LYRM4: variants seen among roughly 807,000 people sequenced by gnomAD.
LYRM4 encodes the protein LYR motif-containing protein 4.
In LYRM4, 9 loss-of-function variants were observed where a neutral mutation model predicts 11.7. The ratio of observed to expected loss-of-function variants is 0.77; its 90% CI spans 0.46 to 1.34. The LOEUF is 1.34. Among genes scored for constraint, LYRM4 ranks in the 40% most tolerant of loss-of-function variants. LYRM4 has a pLI of 0.00. For missense variants in LYRM4, 133 were observed against 112.5 expected (o/e 1.18, Z -0.82); for synonymous variants, 42 against 40.4 (o/e 1.04, Z -0.15).
chr6:5,140,349 TG>T (rs1207155081), intron 2 of LYRM4, among the ~76,000 whole-genome samples: 4 of 152,168 alleles, frequency 2.6e-5, no homozygotes, highest in African/African-American at 9.7e-5. Flanking sequence ...AAATTTACTT[TG>T]TCTAAGGTTT....
intron 1 of LYRM4, chr6:5,218,451 A>T: frequency 1.1e-6 from 1 of 907,394 alleles, no homozygotes; most frequent in Non-Finnish European, 1.3e-6. Context: ...TTTAAAGTAA[A>T]AAGGCATTTT....
At chr6:5,133,654 C>T (rs1037101727) in intron 2 of LYRM4, among the ~76,000 whole-genome samples, 1 of 152,158 alleles carries the variant, frequency 6.6e-6, no homozygotes, top group Non-Finnish European at 1.5e-5. Context: ...CTTCAAAGTG[C>T]GTAATTCAGT....
At chr6:5,033,371 G>A in the LYRM4 span, 1 of 152,070 alleles carries the variant, frequency 6.6e-6, no homozygotes, top group East Asian at 1.9e-4. Flanking sequence ...CAGCCCGCCA[G>A]GGGTGTCTGA....
At chr6:5,213,999 T>C (rs1011913295) in intron 2 of LYRM4, among the ~76,000 whole-genome samples, 3 of 152,212 alleles carry the variant, frequency 2.0e-5, no homozygotes, top group Non-Finnish European at 2.9e-5. Context: ...CAGAGTGACA[T>C]AGCTAGTAGG....
chr6:5,237,348 G>A (rs778996441), intron 1 of LYRM4, among the ~76,000 whole-genome samples: 1 of 151,812 alleles, frequency 6.6e-6, no homozygotes, highest in Non-Finnish European at 1.5e-5. Context: ...CTCCCTATGA[G>A]AATCTAACGC....
chr6:5,114,499 G>C (rs1336182858), intron 2 of LYRM4, among the ~76,000 whole-genome samples: 2 of 152,202 alleles, frequency 1.3e-5, no homozygotes, highest in Non-Finnish European at 2.9e-5. Flanking sequence ...AGAAGGGGGT[G>C]ATCTGTGCCC....
At chr6:5,063,227 C>T in the LYRM4 span, among the ~76,000 whole-genome samples, 29 of 152,092 alleles carry the variant, frequency 1.9e-4, no homozygotes, top group East Asian at 2.3e-3. Flanking sequence ...ACAGACGGGA[C>T]GGCCACTTCA....
At chr6:5,082,747 C>T in the LYRM4 span, among the ~76,000 whole-genome samples, 4 of 152,224 alleles carry the variant, frequency 2.6e-5, no homozygotes, top group African/African-American at 9.7e-5. Flanking sequence ...AACCTTTTGA[C>T]GGCCTCTCAT....
At chr6:5,156,265 G>C (rs1758406730) in intron 2 of LYRM4, among the ~76,000 whole-genome samples, 1 of 152,242 alleles carries the variant, frequency 6.6e-6, no homozygotes, top group Non-Finnish European at 1.5e-5. Flanking sequence ...CCAAGAGGCG[G>C]CTCCTTCCAG....
intron 2 of LYRM4, chr6:5,186,665 T>C (rs982020702): frequency 2.0e-6 from 2 of 985,432 alleles, no homozygotes; most frequent in Non-Finnish European, 2.4e-6. Context: ...TCAAAGACAA[T>C]GAAGTGAAAT....
downstream of LYRM4, among the ~76,000 whole-genome samples, chr6:5,099,942 T>C (rs1370762525): frequency 6.6e-6 from 1 of 152,164 alleles, no homozygotes; most frequent in Non-Finnish European, 1.5e-5. The surrounding 1 kb of genome is among the most constrained non-coding windows in gnomAD (Gnocchi z 4.3). Flanking sequence ...GACATTTTGC[T>C]TGGGTGCCTC....
At chr6:5,065,854 A>T in the LYRM4 span, 1 of 296,902 alleles carries the variant, frequency 3.4e-6, no homozygotes, top group Non-Finnish European at 6.1e-6. Context: ...TTGGAACACT[A>T]TAGTTTCAAA....
At chr6:5,071,560 GTA>G in the LYRM4 span, among the ~76,000 whole-genome samples, 2 of 150,998 alleles carry the variant, frequency 1.3e-5, no homozygotes, top group African/African-American at 2.5e-5. Context: ...GTGTGTGTGT[GTA>G]TATGTATATG....
intron 2 of LYRM4, among the ~76,000 whole-genome samples, chr6:5,157,523 AAAG>A (rs1438344740): frequency 6.6e-6 from 1 of 152,166 alleles, no homozygotes; most frequent in East Asian, 1.9e-4. Context: ...AAAAAAAAAA[AAAG>A]AAGACTGAAA....
intron 2 of LYRM4, among the ~76,000 whole-genome samples, chr6:5,178,193 G>A (rs1015961548): frequency 2.0e-5 from 3 of 152,010 alleles, no homozygotes; most frequent in Non-Finnish European, 4.4e-5. Context: ...TGTCTGTGTT[G>A]GCAGTTGCAT....
intron 2 of LYRM4, among the ~76,000 whole-genome samples, chr6:5,177,870 T>G (rs1759810410): frequency 6.6e-6 from 1 of 152,170 alleles, no homozygotes; most frequent in Non-Finnish European, 1.5e-5. Context: ...AAGAACATAC[T>G]AGGCCTCACG....
chr6:5,184,092 T>C, intron 2 of LYRM4, among the ~76,000 whole-genome samples: 1 of 152,230 alleles, frequency 6.6e-6, no homozygotes. Flanking sequence ...TTTTTTCTTG[T>C]GTATCAAAGC....
At chr6:5,159,843 C>T (rs1758645982) in intron 2 of LYRM4, among the ~76,000 whole-genome samples, 1 of 152,202 alleles carries the variant, frequency 6.6e-6, no homozygotes, top group Non-Finnish European at 1.5e-5. Context: ...ACAGCTCTGC[C>T]CTCTTGACAC....
chr6:5,185,391 G>C (rs1487333844), intron 2 of LYRM4, among the ~76,000 whole-genome samples: 1 of 152,218 alleles, frequency 6.6e-6, no homozygotes, highest in East Asian at 1.9e-4. Flanking sequence ...TCTTCTGCTA[G>C]AGCATAAGCT....
Sources: gnomAD v4.1 joint callset for allele counts (sites outside exome capture counted in the v4.1 genomes callset) on GRCh38, gnomAD v4.1.1 for gene constraint, Gnocchi (gnomAD v3.1) non-coding constraint, MANE v1.5 for transcripts, NCBI Gene and HGNC (gene_info 2026-07-23, HGNC 2026-07-21) for gene names.